The following FAT3 variants were observed in gnomAD, a reference collection of about 807,000 sequenced individuals.
FAT3 encodes the protein protocadherin Fat 3.
FAT3 carries 95 observed loss-of-function variants against 310.2 expected under a neutral mutation model. The observed-to-expected ratio is 0.31, with a 90% CI of 0.26 to 0.36. FAT3 has a LOEUF of 0.36. Among genes scored for constraint, FAT3 ranks in the 10% least tolerant of loss-of-function variants. The probability of loss-of-function intolerance (pLI) is 1.00; values close to 1 mark genes in which losing one functional copy is unlikely to be tolerated. For missense variants in FAT3, 5,408 were observed against 5,715.6 expected (o/e 0.95, Z 1.74); for synonymous variants, 2,314 against 2,192.9 (o/e 1.06, Z -1.54).
chr11:92,722,583 TGTGTGGTGGCTCTG>T (rs763040104), intron 4 of FAT3, among the ~76,000 whole-genome samples: 2 of 152,200 alleles, frequency 1.3e-5, no homozygotes, highest in Non-Finnish European at 2.9e-5. Context: ...CAGTAGGGAC[TGTGTGGTGGCTCTG>T]ACCTCACATT....
In FAT3 at chr11:92,866,810, C is replaced by A. The variant is rs1244798582; in HGVS notation, c.11728C>A (p.Arg3910Ser). The A allele has an allele frequency of 6.2e-7, 1 of 1,613,884 alleles. No individual in the cohort carries two copies. Among genetic ancestry groups the A allele is most frequent in the Non-Finnish European group, 8.5e-7 (1 of 1,179,854 alleles). ...CCCTGGAATCTTGGGCATCTCGGGCCGTGCTGTCAACGACGGGAGCTGGCA... is the reference window on the plus strand; with the variant it reads ...CCCTGGAATCTTGGGCATCTCGGGCAGTGCTGTCAACGACGGGAGCTGGCA... ...SGPGILGISG[R>S]AVNDGSWHSV... Residue 3910 changes from arginine (R) to serine (S), a missense_variant, in exon 22 of 28, where the codon CGT becomes AGT. By Grantham distance (110) the Arg-to-Ser change is moderately radical. This residue lies in a region of FAT3 where 4,588 missense variants were observed against 4,809.8 expected (regional missense o/e 0.95). Transcript: ENST00000525166.
At chr11:92,777,263 C>A (rs894855586) in intron 7 of FAT3, among the ~76,000 whole-genome samples, 7 of 152,180 alleles carry the variant, frequency 4.6e-5, no homozygotes, top group Non-Finnish European at 7.3e-5. Flanking sequence ...CATCCATAAA[C>A]AACATGTTGA....
At chr11:92,486,997 G>A (rs1253181091) in intron 2 of FAT3, among the ~76,000 whole-genome samples, 1 of 152,156 alleles carries the variant, frequency 6.6e-6, no homozygotes, top group African/African-American at 2.4e-5. Flanking sequence ...ACAAGGGAGA[G>A]GAAAAGGCAG....
In FAT3 at chr11:92,760,627, C is replaced by T. The variant is rs544496294; in HGVS notation, c.3670-1229C>T. Among the ~76,000 whole-genome samples, 5 of 152,218 alleles carry T rather than the reference C, an allele frequency of 3.3e-5. No homozygotes were observed. The East Asian group carries it at 9.6e-4, about 29-fold the overall frequency. ...CTTATTAACAATGATCTGTTTTGAGCCTCTGTTTTCTCAATTGTGAAATGG... is the reference window on the plus strand; with the variant it reads ...CTTATTAACAATGATCTGTTTTGAGTCTCTGTTTTCTCAATTGTGAAATGG... On this transcript the variant is annotated intron_variant, in intron 4 of 27. Transcript: ENST00000525166.
chr11:92,345,175 C>T (rs1948380047), intron 1 of FAT3, among the ~76,000 whole-genome samples: 1 of 152,092 alleles, frequency 6.6e-6, no homozygotes, highest in Admixed American at 6.6e-5. Flanking sequence ...TTCATTTCAT[C>T]TTCTCCCTGG....
At chr11:92,687,034 A>G (rs1048709032) in intron 3 of FAT3, among the ~76,000 whole-genome samples, 3 of 152,172 alleles carry the variant, frequency 2.0e-5, no homozygotes, top group African/African-American at 7.2e-5. Context: ...ATTTTCAGAC[A>G]TTTTGGGGGT....
At chr11:92,777,236 T>A (rs1946621467) in intron 7 of FAT3, among the ~76,000 whole-genome samples, 1 of 152,204 alleles carries the variant, frequency 6.6e-6, no homozygotes, top group Non-Finnish European at 1.5e-5. Context: ...AAACATGATA[T>A]GACATGGGGT....
intron 6 of FAT3, among the ~76,000 whole-genome samples, chr11:92,767,112 G>C (rs1327908578): frequency 6.6e-6 from 1 of 152,100 alleles, no homozygotes; most frequent in African/African-American, 2.4e-5. Context: ...AGCTGGGCAT[G>C]ATGGCGGGCG....
chr11:92,234,360 C>G (rs1232003185), intron 1 of FAT3, among the ~76,000 whole-genome samples: 1 of 152,098 alleles, frequency 6.6e-6, no homozygotes, highest in Non-Finnish European at 1.5e-5. Flanking sequence ...CTCAGTACTG[C>G]TTTGACGAGA....
chr11:92,526,664 TC>T (rs571439609), intron 3 of FAT3, among the ~76,000 whole-genome samples: 66 of 152,352 alleles, frequency 4.3e-4, no homozygotes, highest in African/African-American at 1.6e-3. Context: ...ACTAAAGCTT[TC>T]TTTTATATGG....
At chr11:92,547,836 T>G (rs1220468547) in intron 3 of FAT3, among the ~76,000 whole-genome samples, 1 of 152,140 alleles carries the variant, frequency 6.6e-6, no homozygotes, top group Non-Finnish European at 1.5e-5. Flanking sequence ...AGCAGATAAT[T>G]TCAGAATTCC....
intron 6 of FAT3, among the ~76,000 whole-genome samples, chr11:92,769,739 G>A (rs565438238): frequency 4.6e-5 from 7 of 152,320 alleles, no homozygotes; most frequent in Non-Finnish European, 5.9e-5. Flanking sequence ...GTGATAGAAC[G>A]TAGTTCCAAC....
At chr11:92,230,352 G>A (rs1864118128) in intron 1 of FAT3, among the ~76,000 whole-genome samples, 1 of 152,094 alleles carries the variant, frequency 6.6e-6, no homozygotes, top group Non-Finnish European at 1.5e-5. Context: ...GGAGTGCAGT[G>A]GCGTGTTCTT....
intron 3 of FAT3, among the ~76,000 whole-genome samples, chr11:92,630,351 T>C (rs1941513060): frequency 6.6e-6 from 1 of 152,196 alleles, no homozygotes; most frequent in Non-Finnish European, 1.5e-5. Flanking sequence ...TTTATTTCCC[T>C]ACAGACCAAG....
intron 1 of FAT3, among the ~76,000 whole-genome samples, chr11:92,295,381 T>C (rs1249613870): frequency 6.6e-6 from 1 of 152,106 alleles, no homozygotes; most frequent in Non-Finnish European, 1.5e-5. Context: ...GGAGTCACCA[T>C]GGACTTTGGA....
At chr11:92,458,018 G>T (rs1316014480) in intron 2 of FAT3, among the ~76,000 whole-genome samples, 2 of 152,200 alleles carry the variant, frequency 1.3e-5, no homozygotes, top group Non-Finnish European at 2.9e-5. Context: ...TTACCTGGCT[G>T]GTAGCTGAGC....
chr11:92,882,893 G>T lies in FAT3; in HGVS notation c.12437G>T (p.Gly4146Val). 1.2e-6 allele frequency: 2 copies of T among 1,612,644 alleles called. No individual in the cohort carries two copies. Among genetic ancestry groups the T allele is most frequent in the Non-Finnish European group, 1.7e-6 (2 of 1,179,444 alleles). ...RPVVVPNIQA[G>V]HSYVGKEELI... ...GTGGTGGTACCCAATATCCAGGCTGGCCACTCCTACGTGGGGAAGGAGGAG... is the reference window on the plus strand; with the variant it reads ...GTGGTGGTACCCAATATCCAGGCTGTCCACTCCTACGTGGGGAAGGAGGAG... Residue 4146 changes from glycine to valine, a missense_variant, in exon 24 of 28, where the codon GGC becomes GTC. This residue lies in a region of FAT3 where 649 missense variants were observed against 666.2 expected (regional missense o/e 0.97). Transcript: ENST00000525166.
At chr11:92,351,475 A>G (rs1241128015) in intron 1 of FAT3, among the ~76,000 whole-genome samples, 1 of 152,218 alleles carries the variant, frequency 6.6e-6, no homozygotes, top group African/African-American at 2.4e-5. Context: ...TTGCACATAT[A>G]GGTGTTTATA....
At chr11:92,437,306 T>C (rs636679) in intron 2 of FAT3, among the ~76,000 whole-genome samples, 131,848 of 152,182 alleles carry the variant, frequency 0.87, 57,192 homozygotes, top group Admixed American at 0.89. Flanking sequence ...TCATTTTAAA[T>C]GTGAGAAAAG....
Sources: allele counts gnomAD v4.1 joint callset (sites outside exome capture counted in the v4.1 genomes callset), GRCh38; gene constraint gnomAD v4.1.1; regional missense constraint gnomAD v4.1.1; transcripts MANE v1.5; gene names NCBI Gene and HGNC (gene_info 2026-07-23, HGNC 2026-07-21).